LRRC56: variants seen among roughly 807,000 people sequenced by gnomAD.
LRRC56 encodes the protein leucine-rich repeat-containing protein 56.
LRRC56 carries 41 observed loss-of-function variants against 47.8 expected under a neutral mutation model. That is an observed-to-expected ratio of 0.86 (90% CI 0.67 to 1.11). The LOEUF is 1.11. Among genes scored for constraint, LRRC56 ranks in the 50% most tolerant of loss-of-function variants. LRRC56 has a pLI of 0.00. For missense variants in LRRC56, 759 were observed against 704.2 expected, an observed-to-expected ratio of 1.08 and a Z score of -0.88; for synonymous variants, 387 against 311.2, an observed-to-expected ratio of 1.24 and a Z score of -2.56.
At chr11:513,449 G>C in the LRRC56 span, among the ~76,000 whole-genome samples, 1 of 152,132 alleles carries the variant, frequency 6.6e-6, no homozygotes, top group Admixed American at 6.6e-5. Flanking sequence ...GTGAGCCACC[G>C]CACCCAGCAA....
the LRRC56 span, among the ~76,000 whole-genome samples, chr11:511,236 G>C: frequency 1.3e-5 from 2 of 151,456 alleles, no homozygotes; most frequent in African/African-American, 4.9e-5. Context: ...CAGGAGAATG[G>C]CGTGAACCCG....
Position 541,542 on chromosome 11 carries a change from C to G in LRRC56, c.183C>G (p.Ala61=), listed in dbSNP as rs767019382. 1.9e-6 allele frequency: 3 copies of G among 1,570,402 alleles called. No homozygotes were observed. In the Admixed American group the frequency reaches 5.5e-5, roughly 29 times the overall value. The stretch of plus-strand genomic sequence containing the variant: ...CCCCCGGTTGGTTTCTACAGCAGGC[C>G]CTGGCCCGGGTGGATGACCTTCGGC... The part of the protein sequence containing the change: ...EEYLSPARLQ[A]LARVDDLRLV... Residue 61 remains alanine, a synonymous_variant, in exon 5 of 14, where the codon GCC becomes GCG. Transcript: ENST00000270115. The surrounding 1 kb of genome is among the most constrained non-coding windows in gnomAD (Gnocchi z 4.1).
chr11:534,459 C>T (rs1210995356), upstream of LRRC56: 2 of 690,302 alleles, frequency 2.9e-6, no homozygotes, highest in Non-Finnish European at 5.0e-6. Context: ...ATCTGAAGGG[C>T]AAACCCACAG....
the LRRC56 span, among the ~76,000 whole-genome samples, chr11:511,213 T>G: frequency 2.0e-5 from 3 of 150,556 alleles, no homozygotes; most frequent in African/African-American, 7.3e-5. Flanking sequence ...CCCAGCTACT[T>G]GGGAGGCTGA....
chr11:535,830 G>A (rs1185257441), upstream of LRRC56, among the ~76,000 whole-genome samples: 1 of 152,074 alleles, frequency 6.6e-6, no homozygotes, highest in Non-Finnish European at 1.5e-5. Flanking sequence ...TGGGGGCCCG[G>A]GGCGGCATCT....
rs1331678792 is a variant in LRRC56 at position 552,203 on chromosome 11, G to A, written c.1152G>A (p.Gly384=). 2 of 1,612,370 alleles carry A rather than the reference G, an allele frequency of 1.2e-6. No individual in the cohort carries two copies. The highest frequency in any genetic ancestry group is 1.3e-5 in the African/African-American group (1 of 74,942). The change falls in exon 12 of 14, where the codon GGG becomes GGA. Residue 384 remains glycine, a synonymous_variant. Coordinates refer to ENST00000270115, the MANE Select transcript of LRRC56 (RefSeq NM_198075.4). ...GCTCTGACTTCCTGGCCTTGGCTGG[G>A]CTCAGGGCCTGGAGGGAACATGGCG... ...ADSSDFLALA[G]LRAWREHGVR...
At chr11:540,643 G>A (rs764050091) in intron 3 of LRRC56, 31 bp from the exon 4 acceptor site, 27 of 1,590,666 alleles carry the variant, frequency 1.7e-5, no homozygotes, top group South Asian at 2.2e-5. Context: ...GAGCAACAGC[G>A]TGGAGCTTTG....
the LRRC56 span, chr11:532,463 C>T: frequency 2.3e-6 from 2 of 883,880 alleles, no homozygotes; most frequent in Non-Finnish European, 3.5e-6. Flanking sequence ...GTCCTTCCTT[C>T]CTCCTCCTTC....
At chr11:508,032 TTTTC>T in the LRRC56 span, among the ~76,000 whole-genome samples, 1 of 152,176 alleles carries the variant, frequency 6.6e-6, no homozygotes, top group Non-Finnish European at 1.5e-5. Context: ...CAAAAGTGGG[TTTTC>T]TTTAAGTTTT....
Position 551,297 on chromosome 11 carries a change from C to CT in LRRC56, c.791_792insT (p.Leu265AlafsTer13), listed in dbSNP as rs1852374604. The CT allele has an allele frequency of 6.6e-7, 1 of 1,519,372 alleles. No homozygotes were observed. The highest frequency in any genetic ancestry group is 8.9e-7 in the Non-Finnish European group (1 of 1,124,572). 94.1% of individuals were successfully genotyped at this position (1,519,372 alleles called of 1,614,324 possible). A position where few individuals can be genotyped will look rare whatever the true frequency, so the allele number is the denominator to read the frequency against. On this transcript the variant is annotated frameshift_variant, in exon 9 of 14. Transcript: ENST00000270115. LOFTEE classifies it high-confidence loss of function. ...ATCAAGAAGGGCAACGGCCTTCCCC[C>CT]GCTGGGTACGGCAGCTGCGCCCGGA...
Position 554,770 on chromosome 11 carries a change from G to T in LRRC56, c.*494G>T, listed in dbSNP as rs1212686600. On this transcript the variant is annotated 3_prime_UTR_variant, in exon 14 of 14. Coordinates refer to ENST00000270115, the MANE Select transcript of LRRC56 (RefSeq NM_198075.4). Reference sequence around the variant, plus strand: ...CTCCCGTCTCCGGGGGATCTGTAGGGTTCCCGCACTGCGATAGGGCGGCCC... The same window carrying T: ...CTCCCGTCTCCGGGGGATCTGTAGGTTTCCCGCACTGCGATAGGGCGGCCC... 2.0e-6 allele frequency: 1 copy of T among 511,024 alleles called. No individual in the cohort carries two copies. The allele number at this position is 511,024 out of a possible 1,614,324, so 31.7% of individuals were successfully genotyped here. A position where few individuals can be genotyped will look rare whatever the true frequency, so the allele number is the denominator to read the frequency against.
upstream of LRRC56, chr11:533,879 G>A (rs730880456): frequency 3.3e-4 from 531 of 1,613,128 alleles, no homozygotes; most frequent in Non-Finnish European, 4.4e-4. Flanking sequence ...CCTCCTGGCC[G>A]GCGGTATCCA....
upstream of LRRC56, chr11:535,401 C>G (rs959484632): frequency 2.0e-5 from 3 of 147,020 alleles, no homozygotes; most frequent in African/African-American, 7.3e-5. Flanking sequence ...CCGGCCGATC[C>G]CTGCCCGCAC....
rs1175301630 is a variant in LRRC56, at chr11:554,621, G to A, written c.*345G>A. The A allele has an allele frequency of 7.4e-6, 3 of 405,040 alleles. No individual in the cohort carries two copies. The highest frequency in any genetic ancestry group is 1.3e-5 in the Non-Finnish European group (3 of 226,834). 25.1% of individuals were successfully genotyped at this position (405,040 alleles called of 1,614,324 possible). On this transcript the variant is annotated 3_prime_UTR_variant, in exon 14 of 14. Coordinates refer to ENST00000270115, the MANE Select transcript of LRRC56 (RefSeq NM_198075.4). ...CTGCTAGAATTGGGCATGGCCGAGG[G>A]GCAGGGGCTGGAGCTGCGAGTCCAC...
At chr11:514,854 G>A in the LRRC56 span, among the ~76,000 whole-genome samples, 124 of 152,210 alleles carry the variant, frequency 8.1e-4, no homozygotes, top group African/African-American at 2.8e-3. Flanking sequence ...ACCCAGGCCC[G>A]CCTGTGCTAA....
upstream of LRRC56, among the ~76,000 whole-genome samples, chr11:535,098 T>G (rs112690925): frequency 0.24 from 37,151 of 151,754 alleles, 4,996 homozygotes; most frequent in African/African-American, 0.35. Context: ...GGCCGCCTCC[T>G]CCCAGACGCC....
At chr11:547,033 G>A (rs950407643) in intron 6 of LRRC56, among the ~76,000 whole-genome samples, 2 of 152,122 alleles carry the variant, frequency 1.3e-5, no homozygotes, top group African/African-American at 4.8e-5. Flanking sequence ...CTCCAGCCTA[G>A]GCAACAAGAG....
chr11:533,260 C>G, upstream of LRRC56: 1 of 1,564,220 alleles, frequency 6.4e-7, no homozygotes, highest in Non-Finnish European at 8.6e-7. Flanking sequence ...ACTGCCCTGC[C>G]GTCCCGGGAG....
In LRRC56 at chr11:541,904, ACCCCCGGCACGC is replaced by A. The variant is rs1851815176; in HGVS notation, c.265+281_265+292del. ...CAGTACCCCACACACCCACGCCAGT[ACCCCCGGCACGC>A]TCAGTACCCCACACACCCACGCCAG... On this transcript the variant is annotated intron_variant, in intron 5 of 13. Coordinates refer to ENST00000270115, the MANE Select transcript of LRRC56 (RefSeq NM_198075.4). This position sits in a 1 kb window ranked among gnomAD's most constrained non-coding sequence, Gnocchi z 4.1. Among the ~76,000 whole-genome samples the A allele has an allele frequency of 8.8e-6, 1 of 113,108 alleles. No homozygotes were observed. The highest frequency in any genetic ancestry group is 3.6e-5 in the African/African-American group (1 of 27,920). 74.2% of individuals were successfully genotyped at this position (113,108 alleles called of 152,430 possible).
Sources: allele counts gnomAD v4.1 joint callset (sites outside exome capture counted in the v4.1 genomes callset), GRCh38; gene constraint gnomAD v4.1.1; non-coding constraint Gnocchi (gnomAD v3.1); transcripts MANE v1.5; gene names NCBI Gene and HGNC (gene_info 2026-07-23, HGNC 2026-07-21).